Variants in DHCR7 observed in about 807,000 individuals in gnomAD.
The protein encoded by DHCR7 is 7-DHC reductase.
A neutral mutation model predicts 43.3 loss-of-function variants in DHCR7; 40 were observed. That is an observed-to-expected ratio of 0.92 (90% CI 0.72 to 1.20). The LOEUF (loss-of-function observed/expected upper bound fraction) is 1.20. Ranked by LOEUF, DHCR7 falls within the 50% of genes most tolerant of loss-of-function variation. The pLI is 0.00. For missense variants in DHCR7, 608 were observed against 644.6 expected (o/e 0.94, Z 0.62); for synonymous variants, 298 against 271.4 (o/e 1.10, Z -0.96).
In DHCR7 at chr11:71,435,434, G is replaced by A. The variant is rs371873032; in HGVS notation, c.1369C>T (p.Arg457Trp). Residue 457 changes from arginine (R) to tryptophan (W), a missense_variant, in exon 9 of 9, where the codon CGG becomes TGG. Transcript: ENST00000355527. Reference protein sequence around the residue: ...DEHRCASKYGRDWERYTAAVP... With the variant: ...DEHRCASKYGWDWERYTAAVP... ...GCGGCGGTGTAGCGCTCCCAGTCCC[G>A]GCCGTACTTGCTGGCGCAGCGGTGC... 3.8e-5 allele frequency: 61 copies of A among 1,612,782 alleles called. 1 individual carries two copies. Among genetic ancestry groups the A allele is most frequent in the Non-Finnish European group, 4.4e-5 (52 of 1,179,988 alleles).
intron 4 of DHCR7, among the ~76,000 whole-genome samples, chr11:71,443,790 C>T (rs148838369): frequency 4.6e-5 from 7 of 152,244 alleles, no homozygotes; most frequent in Non-Finnish European, 7.4e-5. Flanking sequence ...GTGTATCAAA[C>T]GCTGATGTGA....
rs786200926 is a variant in DHCR7, at chr11:71,442,260, T to A, written c.412+3A>T. The A allele has an allele frequency of 6.2e-7, 1 of 1,610,216 alleles. No individual in the cohort carries two copies. Among genetic ancestry groups the A allele is most frequent in the Non-Finnish European group, 8.5e-7 (1 of 1,177,450 alleles). On this transcript the variant is annotated splice_donor_region_variant and intron_variant, in intron 5 of 8. Coordinates refer to ENST00000355527, the MANE Select transcript of DHCR7 (RefSeq NM_001360.3). The stretch of plus-strand genomic sequence containing the variant: ...CTGGGGAGGGTGGAAGGGAGGAGGC[T>A]ACCTGCAGGAGTCACGGCCCCCTCC...
At position 71,442,321 on chromosome 11, in the gene DHCR7, G is replaced by A. The variant is rs1377670887; in HGVS notation, c.354C>T (p.Cys118=). The change falls in exon 5 of 9, where the codon TGC becomes TGT. Residue 118 remains cysteine (C), a synonymous_variant. Transcript: ENST00000355527. ...VLLYTSLPDF[C]HKFLPGYVGG... ...CTACGTAGCCGGGTAGAAACTTATGGCAGAAGTCAGGGAGAGACGTGTACA... is the reference window on the plus strand; with the variant it reads ...CTACGTAGCCGGGTAGAAACTTATGACAGAAGTCAGGGAGAGACGTGTACA... 2 of 1,613,950 alleles carry A rather than the reference G, an allele frequency of 1.2e-6. No homozygotes were observed. The highest frequency in any genetic ancestry group is 2.7e-5 in the African/African-American group (2 of 75,012).
Position 71,435,600 on chromosome 11 carries a change from G to A in DHCR7, c.1203C>T (p.Gly401=), listed in dbSNP as rs368867929. The change falls in exon 9 of 9, where the codon GGC becomes GGT. Residue 401 remains glycine (G), a synonymous_variant. Transcript: ENST00000355527. ...CGACGTAGTTGAAGTGGCGGGCCAC[G>A]CCCCAGAAGCCCGACACCAGCAGCT... is the stretch of plus-strand genomic sequence containing the variant. ...HSKLLVSGFW[G]VARHFNYVGD... The A allele has an allele frequency of 6.8e-6, 11 of 1,607,380 alleles. No individual in the cohort carries two copies. The highest frequency in any genetic ancestry group is 1.3e-5 in the African/African-American group (1 of 74,890).
chr11:71,437,836 C>G lies in DHCR7; in HGVS notation c.939G>C (p.Trp313Cys), dbSNP rs1555145862. ...CCTGCAGCGTGTAAAGATAAGGCAGCCAGACACAGTCGCCCCAGCCCAGGT... is the reference window on the plus strand; with the variant it reads ...CCTGCAGCGTGTAAAGATAAGGCAGGCAGACACAGTCGCCCCAGCCCAGGT... ...GWYLGWGDCVWLPYLYTLQGL... is the reference protein window; with the variant it reads ...GWYLGWGDCVCLPYLYTLQGL... Residue 313 changes from tryptophan (W) to cysteine (C), a missense_variant, in exon 8 of 9, where the codon TGG (tryptophan) becomes TGC (cysteine). Coordinates refer to ENST00000355527, the MANE Select transcript of DHCR7 (RefSeq NM_001360.3). 1.2e-6 allele frequency: 2 copies of G among 1,613,980 alleles called. No homozygotes were observed. Among genetic ancestry groups the G allele is most frequent in the Admixed American group, 3.3e-5 (2 of 60,028 alleles).
intron 4 of DHCR7, among the ~76,000 whole-genome samples, chr11:71,443,137 C>T (rs1043298923): frequency 5.3e-5 from 8 of 152,220 alleles, no homozygotes; most frequent in Admixed American, 3.3e-4. Context: ...CATTCCCTTC[C>T]GCTGCCAAAT....
chr11:71,447,979 C>G (rs752979085), intron 1 of DHCR7: 6 of 152,886 alleles, frequency 3.9e-5, no homozygotes, highest in Non-Finnish European at 8.7e-5. Flanking sequence ...CGCCGCGGAG[C>G]GCGGCATGGG....
intron 4 of DHCR7, among the ~76,000 whole-genome samples, chr11:71,443,412 A>C (rs988383190): frequency 6.6e-6 from 1 of 152,146 alleles, no homozygotes; most frequent in Middle Eastern, 3.2e-3. Flanking sequence ...GTTTCCCTGG[A>C]AACCTTTTCC....
downstream of DHCR7, among the ~76,000 whole-genome samples, chr11:71,430,756 A>G (rs1453065242): frequency 6.6e-6 from 1 of 152,260 alleles, no homozygotes; most frequent in Non-Finnish European, 1.5e-5. Context: ...AGGGCAGGTC[A>G]TCTTCCCCAA....
chr11:71,439,103 G>C lies in DHCR7; in HGVS notation c.627-20C>G, dbSNP rs1207966494. 3 of 1,605,364 alleles carry C rather than the reference G, an allele frequency of 1.9e-6. No homozygotes were observed. The highest frequency in any genetic ancestry group is 2.6e-6 in the Non-Finnish European group (3 of 1,174,058). ...AATTTGCTTAAAAATATAAATAAAA[G>C]ATACATTTAGTGGATGAGCATATCT... On this transcript the variant is annotated intron_variant, in intron 6 of 8. Coordinates refer to ENST00000355527, the MANE Select transcript of DHCR7 (RefSeq NM_001360.3).
rs1166304493 is a variant in DHCR7, at chr11:71,447,649, C to A, written c.-46G>T. Reference sequence around the variant, plus strand: ...CAAATAGTTTCACAGCAGAAGGGAACTTTTCCTTCTTGAACCGGCCCCTTA... The same window carrying A: ...CAAATAGTTTCACAGCAGAAGGGAAATTTTCCTTCTTGAACCGGCCCCTTA... On this transcript the variant is annotated 5_prime_UTR_variant, in exon 2 of 9. Coordinates refer to ENST00000355527, the MANE Select transcript of DHCR7 (RefSeq NM_001360.3). 1 of 152,282 alleles carries A rather than the reference C, an allele frequency of 6.6e-6. No individual in the cohort carries two copies. The highest frequency in any genetic ancestry group is 2.4e-5 in the African/African-American group (1 of 41,466). 9.4% of individuals were successfully genotyped at this position (152,282 alleles called of 1,614,324 possible).
intron 8 of DHCR7, among the ~76,000 whole-genome samples, chr11:71,437,195 CA>C (rs956328755): frequency 1.3e-5 from 2 of 152,238 alleles, no homozygotes; most frequent in Admixed American, 6.5e-5. Context: ...GAATAGGTGA[CA>C]GCCTCTCCAC....
chr11:71,437,727 C>T (rs1949300040), intron 8 of DHCR7, 85 bp downstream of exon 8: 2 of 1,590,056 alleles, frequency 1.3e-6, no homozygotes, highest in Admixed American at 3.4e-5. Context: ...CTTTGGTGCC[C>T]CCAAGGACAG....
Position 71,441,555 on chromosome 11 carries a change from C to G in DHCR7, c.413-115G>C, listed in dbSNP as rs1325020415. 10 of 912,912 alleles carry G rather than the reference C, an allele frequency of 1.1e-5. No individual in the cohort carries two copies. In the East Asian group the frequency reaches 2.6e-4, roughly 24 times the overall value. 56.6% of individuals were successfully genotyped at this position (912,912 alleles called of 1,614,324 possible). A position where few individuals can be genotyped will look rare whatever the true frequency, so the allele number is the denominator to read the frequency against. ...GTCACTTTCTGGGCCTCTGCTGCTGCGGACCCTCATCTGGGGCCCCAGGAA... is the reference window on the plus strand; with the variant it reads ...GTCACTTTCTGGGCCTCTGCTGCTGGGGACCCTCATCTGGGGCCCCAGGAA... On this transcript the variant is annotated intron_variant, in intron 5 of 8. Coordinates refer to ENST00000355527, the MANE Select transcript of DHCR7 (RefSeq NM_001360.3).
intron 8 of DHCR7, among the ~76,000 whole-genome samples, chr11:71,437,418 T>A (rs1591108635): frequency 6.6e-6 from 1 of 151,846 alleles, no homozygotes; most frequent in East Asian, 1.9e-4. Context: ...GGGAGGGGAG[T>A]GGGGGGCTTG....
Position 71,428,770 on chromosome 11 carries a change from G to C in DHCR7, c.*53C>G, listed in dbSNP as rs1009367714. The C allele has an allele frequency of 6.6e-6, 3 of 452,468 alleles. No homozygotes were observed. The East Asian group carries it at 2.1e-4, about 31-fold the overall frequency. The allele number at this position is 452,468 out of a possible 1,614,324, so 28.0% of individuals were successfully genotyped here. A position where few individuals can be genotyped will look rare whatever the true frequency, so the allele number is the denominator to read the frequency against. On this transcript the variant is annotated 3_prime_UTR_variant, in exon 3 of 3. Transcript: ENST00000534795. ...AGATGGTTCTGCAGACGCCTTTGCTGCCCTCCCCAGGGTCATCTCCAAGTC... is the reference window on the plus strand; with the variant it reads ...AGATGGTTCTGCAGACGCCTTTGCTCCCCTCCCCAGGGTCATCTCCAAGTC...
chr11:71,441,142 C>A, intron 6 of DHCR7, 85 bp downstream of exon 6: 2 of 1,329,582 alleles, frequency 1.5e-6, no homozygotes, highest in Non-Finnish European at 2.2e-6. Flanking sequence ...CAGGGCTTTA[C>A]AACCACCTGC....
chr11:71,439,219 A>G (rs1949323985), intron 6 of DHCR7, 136 bp from the exon 7 acceptor site: 2 of 827,784 alleles, frequency 2.4e-6, no homozygotes, highest in Admixed American at 2.2e-5. Flanking sequence ...GAAGCTGGCC[A>G]TGAGCCGCTG....
At chr11:71,445,612 A>G (rs1949396499) in intron 2 of DHCR7, among the ~76,000 whole-genome samples, 1 of 152,206 alleles carries the variant, frequency 6.6e-6, no homozygotes. Flanking sequence ...TGTCCTCTTC[A>G]TTGTTCTACT....
Sources: gnomAD v4.1 joint callset for allele counts (sites outside exome capture counted in the v4.1 genomes callset) on GRCh38, gnomAD v4.1.1 for gene constraint, MANE v1.5 for transcripts, NCBI Gene and HGNC (gene_info 2026-07-23, HGNC 2026-07-21) for gene names.